SP7: variants seen among roughly 807,000 people sequenced by gnomAD.
The protein encoded by SP7 is Sp7 transcription factor.
Under a neutral mutation model 27.9 loss-of-function variants are expected in SP7, and 13 were observed. The ratio of observed to expected loss-of-function variants is 0.47; its 90% CI spans 0.30 to 0.74. The LOEUF is 0.74. SP7 is among the 30% of genes least tolerant of loss of function. SP7 has a pLI of 0.06. For missense variants in SP7, 525 were observed against 558.0 expected, an observed-to-expected ratio of 0.94 and a Z score of 0.60; for synonymous variants, 219 against 226.7, an observed-to-expected ratio of 0.97 and a Z score of 0.31.
At chr12:53,338,106 C>CAGAGGAGGAGGA (rs767126357), upstream of SP7, among the ~76,000 whole-genome samples, 5 of 136,226 alleles carry the variant, frequency 3.7e-5, no homozygotes, top group Non-Finnish European at 6.3e-5. Context: ...TAGCCAGGTC[C>CAGAGGAGGAGGA]GGAGGAGGAG....
chr12:53,338,069 G>A (rs1944787339), upstream of SP7, among the ~76,000 whole-genome samples: 3 of 151,794 alleles, frequency 2.0e-5, no homozygotes, highest in Admixed American at 6.6e-5. Flanking sequence ...AATGGCTTGG[G>A]AAGGACAGAG....
rs778092778 is a variant in SP7 at position 53,344,202 on chromosome 12, T to C, written c.-34+912A>G. On this transcript the variant is annotated intron_variant, in intron 1 of 1. Coordinates refer to the SP7 transcript ENST00000547755. This position sits in a 1 kb window ranked among gnomAD's most constrained non-coding sequence, Gnocchi z 4.6. ...GATGTGTGCACTTGCACACAGGATA[T>C]GCAGGCATTTTAGAGGTATCTATTC... Among the ~76,000 whole-genome samples the C allele has an allele frequency of 1.8e-4, 27 of 152,118 alleles. No homozygotes were observed. The highest frequency in any genetic ancestry group is 3.4e-4 in the Non-Finnish European group (23 of 68,016).
At chr12:53,333,666 C>T (rs982174438) in intron 2 of SP7, among the ~76,000 whole-genome samples, 3 of 151,924 alleles carry the variant, frequency 2.0e-5, no homozygotes, top group African/African-American at 7.3e-5. Context: ...ACAATTTCTT[C>T]CCCTTCCCTG....
chr12:53,340,217 T>C (rs1003209418), upstream of SP7, among the ~76,000 whole-genome samples: 3 of 151,932 alleles, frequency 2.0e-5, no homozygotes, highest in African/African-American at 7.3e-5. Context: ...CCACATGGAC[T>C]CACAGACTCC....
At chr12:53,340,552 A>G (rs1053441009), upstream of SP7, among the ~76,000 whole-genome samples, 4 of 151,264 alleles carry the variant, frequency 2.6e-5, no homozygotes, top group African/African-American at 9.7e-5. Context: ...CCCTACCCCC[A>G]CCCAGGCCCC....
In SP7 at chr12:53,328,472, A is replaced by G; in HGVS notation, c.970T>C (p.Phe324Leu). ...HLRWHTGERP[F>L]VCNWLFCGKR... ...CCGCAGAAGAGCCAGTTGCAGACGA[A>G]GGGCCTCTCGCCTGTGTGCCAGCGC... Residue 324 changes from phenylalanine (F) to leucine (L), a missense_variant, in exon 3 of 3, where the codon TTC becomes CTC. Coordinates refer to ENST00000536324, the MANE Select transcript of SP7 (RefSeq NM_001173467.3). This position sits in a 1 kb window ranked among gnomAD's most constrained non-coding sequence, Gnocchi z 5.1. 6.2e-7 allele frequency: 1 copy of G among 1,613,952 alleles called. No individual in the cohort carries two copies. Among genetic ancestry groups the G allele is most frequent in the Non-Finnish European group, 8.5e-7 (1 of 1,179,890 alleles).
At chr12:53,340,722 C>T (rs4759082), upstream of SP7, among the ~76,000 whole-genome samples, 55,142 of 151,986 alleles carry the variant, frequency 0.36, 10,928 homozygotes, top group East Asian at 0.66. Flanking sequence ...CCAGTGGATA[C>T]TCCAGCGACA....
At chr12:53,330,038 CTTTTT>C (rs1254370890) in intron 2 of SP7, among the ~76,000 whole-genome samples, 1 of 151,730 alleles carries the variant, frequency 6.6e-6, no homozygotes, top group Non-Finnish European at 1.5e-5. Context: ...CCGGCCTTTT[CTTTTT>C]ATTTAAAAAA....
chr12:53,339,917 C>A (rs1405186352), upstream of SP7, among the ~76,000 whole-genome samples: 1 of 151,974 alleles, frequency 6.6e-6, no homozygotes, highest in East Asian at 1.9e-4. Flanking sequence ...GGTTTGACTA[C>A]CCTAGGGAGA....
chr12:53,329,187 G>A lies in SP7; in HGVS notation c.255C>T (p.Thr85=). Residue 85 remains threonine, a synonymous_variant, in exon 3 of 3, where the codon ACC becomes ACT. Coordinates refer to ENST00000536324, the MANE Select transcript of SP7 (RefSeq NM_001173467.3). ...GAGGGTAATCATTAGCATAGCCTGAGGTGGGTGCTGGAGGACTGCCTGCAG... is the reference window on the plus strand; with the variant it reads ...GAGGGTAATCATTAGCATAGCCTGAAGTGGGTGCTGGAGGACTGCCTGCAG... The part of the protein sequence containing the change: ...LSPAGSPPAP[T]SGYANDYPPF... The A allele has an allele frequency of 6.2e-7, 1 of 1,613,862 alleles. No homozygotes were observed.
chr12:53,332,753 G>T (rs1944720382), intron 2 of SP7, among the ~76,000 whole-genome samples: 1 of 152,048 alleles, frequency 6.6e-6, no homozygotes, highest in African/African-American at 2.4e-5. Flanking sequence ...GGAGGAGGAG[G>T]AAGAAGGCGG....
Position 53,329,186 on chromosome 12 carries a change from A to G in SP7, c.256T>C (p.Ser86Pro). The G allele has an allele frequency of 6.2e-7, 1 of 1,613,790 alleles. No individual in the cohort carries two copies. Among genetic ancestry groups the G allele is most frequent in the Non-Finnish European group, 8.5e-7 (1 of 1,179,846 alleles). ...SPAGSPPAPTSGYANDYPPFS... is the reference protein window; with the variant it reads ...SPAGSPPAPTPGYANDYPPFS... ...GGAGGGTAATCATTAGCATAGCCTG[A>G]GGTGGGTGCTGGAGGACTGCCTGCA... is the stretch of plus-strand genomic sequence containing the variant. Residue 86 changes from serine (S) to proline (P), a missense_variant, in exon 3 of 3, where the codon TCA becomes CCA. Ser to Pro is a moderately conservative substitution (Grantham distance 74). Coordinates refer to ENST00000536324, the MANE Select transcript of SP7 (RefSeq NM_001173467.3).
rs1345321625 is a variant in SP7 at position 53,327,213 on chromosome 12, G to T, written c.*933C>A. 1 of 152,492 alleles carries T rather than the reference G, an allele frequency of 6.6e-6. No homozygotes were observed. The highest frequency in any genetic ancestry group is 2.4e-5 in the African/African-American group (1 of 41,394). 9.4% of individuals were successfully genotyped at this position (152,492 alleles called of 1,614,324 possible). A position where few individuals can be genotyped will look rare whatever the true frequency, so the allele number is the denominator to read the frequency against. ...CTTGAGGTTTCACAGCTTCTGGCTGGGGCTGGGGATATTAGGGATCCCCCT... is the reference window on the plus strand; with the variant it reads ...CTTGAGGTTTCACAGCTTCTGGCTGTGGCTGGGGATATTAGGGATCCCCCT... On this transcript the variant is annotated 3_prime_UTR_variant, in exon 3 of 3. Coordinates refer to ENST00000536324, the MANE Select transcript of SP7 (RefSeq NM_001173467.3).
intron 2 of SP7, among the ~76,000 whole-genome samples, chr12:53,329,637 A>G (rs1944681416): frequency 6.6e-6 from 1 of 152,188 alleles, no homozygotes; most frequent in South Asian, 2.1e-4. Context: ...CAGAGGCCCA[A>G]GACTGCAGCT....
rs181608980 is a variant in SP7, at chr12:53,332,761, C to T, written c.21+2865G>A. Reference sequence around the variant, plus strand: ...AAAAGGGGGAGGAGGAGGAAGAAGGCGGCCTTCCTACCTAAGAGAAAACCA... The same window carrying T: ...AAAAGGGGGAGGAGGAGGAAGAAGGTGGCCTTCCTACCTAAGAGAAAACCA... On this transcript the variant is annotated intron_variant, in intron 2 of 2. Coordinates refer to ENST00000536324, the MANE Select transcript of SP7 (RefSeq NM_001173467.3). 1.6e-4 allele frequency among the ~76,000 whole-genome samples: 25 copies of T among 152,148 alleles called. No homozygotes were observed. The East Asian group carries it at 3.7e-3, about 22-fold the overall frequency.
At position 53,328,856 on chromosome 12, in the gene SP7, G is replaced by T. The variant is rs1944667609; in HGVS notation, c.586C>A (p.Pro196Thr). 1.9e-6 allele frequency: 3 copies of T among 1,604,120 alleles called. No homozygotes were observed. The South Asian group carries it at 3.3e-5, about 18-fold the overall frequency. ...PAQPPLNPQL[P>T]TYPSDFAPLN... ...GGAGCAAAGTCAGATGGGTAGGTGG[G>T]CAGCTGGGGGTTCAGTGGAGGCTGA... The change falls in exon 3 of 3, where the codon CCC (proline) becomes ACC (threonine). Residue 196 changes from proline (P) to threonine (T), a missense_variant. Pro to Thr is a conservative substitution (Grantham distance 38). Coordinates refer to ENST00000536324, the MANE Select transcript of SP7 (RefSeq NM_001173467.3). The surrounding 1 kb of genome is among the most constrained non-coding windows in gnomAD (Gnocchi z 5.1).
At chr12:53,332,011 A>G (rs1299919516) in intron 2 of SP7, among the ~76,000 whole-genome samples, 2 of 152,002 alleles carry the variant, frequency 1.3e-5, no homozygotes, top group East Asian at 3.9e-4. Context: ...TTGACTCCCA[A>G]ACTGAGCCAC....
At position 53,329,157 on chromosome 12, in the gene SP7, A is replaced by G. The variant is rs771468280; in HGVS notation, c.285T>C (p.Phe95=). 39 of 1,613,692 alleles carry G rather than the reference A, an allele frequency of 2.4e-5. No homozygotes were observed. The highest frequency in any genetic ancestry group is 3.3e-5 in the Admixed American group (2 of 59,992). The change falls in exon 3 of 3, where the codon TTT becomes TTC. Residue 95 remains phenylalanine (F), a synonymous_variant. Transcript: ENST00000536324. The part of the protein sequence containing the change: ...TSGYANDYPP[F]SHSFPGPTGT... ...CTGTGGGCCCAGGGAATGAGTGGGA[A>G]AAGGGAGGGTAATCATTAGCATAGC...
At position 53,328,756 on chromosome 12, in the gene SP7, T is replaced by C; in HGVS notation, c.686A>G (p.Tyr229Cys). The change falls in exon 3 of 3, where the codon TAT (tyrosine) becomes TGT (cysteine). Residue 229 changes from tyrosine to cysteine, a missense_variant. By Grantham distance (194) the Tyr-to-Cys change is radical. Transcript: ENST00000536324. The surrounding 1 kb of genome is among the most constrained non-coding windows in gnomAD (Gnocchi z 5.1). ...ACTATTTCCCACTGCCTTGGGTTTA[T>C]AGACATCTTGGGGCAAGACATGCTG... ...GPQHVLPQDV[Y>C]KPKAVGNSGQ... 1 of 1,605,780 alleles carries C rather than the reference T, an allele frequency of 6.2e-7. No homozygotes were observed. Among genetic ancestry groups the C allele is most frequent in the South Asian group, 1.1e-5 (1 of 90,532 alleles).
Sources: gnomAD v4.1 joint callset for allele counts (sites outside exome capture counted in the v4.1 genomes callset) on GRCh38, gnomAD v4.1.1 for gene constraint, Gnocchi (gnomAD v3.1) non-coding constraint, MANE v1.5 for transcripts, NCBI Gene and HGNC (gene_info 2026-07-23, HGNC 2026-07-21) for gene names.